RPS6KA2: variants seen among roughly 807,000 people sequenced by gnomAD.
RPS6KA2 encodes the protein ribosomal protein S6 kinase A2, also known as ribosomal protein S6 kinase alpha-2.
A neutral mutation model predicts 91.8 loss-of-function variants in RPS6KA2; 42 were observed. The ratio of observed to expected loss-of-function variants is 0.46; its 90% CI spans 0.36 to 0.59. The LOEUF is 0.59. Among genes scored for constraint, RPS6KA2 ranks in the 20% least tolerant of loss-of-function variants. The pLI, the probability that RPS6KA2 is intolerant of heterozygous loss-of-function variation, is 0.00. For missense variants in RPS6KA2, 798 were observed against 978.5 expected (o/e 0.82, Z 2.46); for synonymous variants, 414 against 393.6 (o/e 1.05, Z -0.61).
At chr6:166,838,378 A>T (rs7772900) in intron 2 of RPS6KA2, among the ~76,000 whole-genome samples, 1 of 152,160 alleles carries the variant, frequency 6.6e-6, no homozygotes, top group African/African-American at 2.4e-5. Context: ...GTGCTTATGG[A>T]GGAAAATGTA....
intron 2 of RPS6KA2, among the ~76,000 whole-genome samples, chr6:166,642,142 C>A (rs1319850073): frequency 6.6e-6 from 1 of 151,898 alleles, no homozygotes; most frequent in Non-Finnish European, 1.5e-5. Flanking sequence ...AAAAAAAAAT[C>A]TCTCCAGAGC....
Position 166,493,537 on chromosome 6 carries a change from T to C in RPS6KA2, c.748-2796A>G, listed in dbSNP as rs1407340536. On this transcript the variant is annotated intron_variant, in intron 8 of 20. Coordinates refer to ENST00000265678, the MANE Select transcript of RPS6KA2 (RefSeq NM_021135.6). This position sits in a 1 kb window ranked among gnomAD's most constrained non-coding sequence, Gnocchi z 4.7. ...GAGGTTCATCTTGGGGTTCCCACAGTCAAGTACACGCACCGGGGGAGGGAG... is the reference window on the plus strand; with the variant it reads ...GAGGTTCATCTTGGGGTTCCCACAGCCAAGTACACGCACCGGGGGAGGGAG... 1.3e-5 allele frequency among the ~76,000 whole-genome samples: 2 copies of C among 151,726 alleles called. No individual in the cohort carries two copies. Among genetic ancestry groups the C allele is most frequent in the Non-Finnish European group, 2.9e-5 (2 of 67,918 alleles).
At chr6:166,436,763 A>T (rs550541401) in intron 14 of RPS6KA2, among the ~76,000 whole-genome samples, 1 of 152,204 alleles carries the variant, frequency 6.6e-6, no homozygotes, top group Non-Finnish European at 1.5e-5. Context: ...CCGTCCTGGA[A>T]GGGAAGTCCC....
intron 2 of RPS6KA2, among the ~76,000 whole-genome samples, chr6:166,734,581 C>G (rs1246325924): frequency 6.6e-6 from 1 of 151,910 alleles, no homozygotes; most frequent in African/African-American, 2.4e-5. Flanking sequence ...AGACACTCAG[C>G]CATTGTTCAT....
chr6:166,572,772 A>C (rs968205812), intron 1 of RPS6KA2, among the ~76,000 whole-genome samples: 1 of 152,218 alleles, frequency 6.6e-6, no homozygotes, highest in African/African-American at 2.4e-5. Context: ...GCCCACACGG[A>C]GCCCGCGTCA....
intron 2 of RPS6KA2, among the ~76,000 whole-genome samples, chr6:166,705,647 T>C (rs1789660324): frequency 6.6e-6 from 1 of 152,112 alleles, no homozygotes; most frequent in African/African-American, 2.4e-5. Context: ...AAATTAGTGG[T>C]ATAAGATTTG....
chr6:166,411,501 T>C lies in RPS6KA2; in HGVS notation c.*1261A>G, dbSNP rs2128433321. 6.6e-6 allele frequency: 1 copy of C among 152,434 alleles called. No homozygotes were observed. The highest frequency in any genetic ancestry group is 1.5e-5 in the Non-Finnish European group (1 of 68,164). The allele number at this position is 152,434 out of a possible 1,614,324, so 9.4% of individuals were successfully genotyped here. ...CGGCTGGACTGGGCGTCGATCCTGC[T>C]GCCCGGAACCTCTCACTCGATTTTA... On this transcript the variant is annotated 3_prime_UTR_variant, in exon 21 of 21. Coordinates refer to ENST00000265678, the MANE Select transcript of RPS6KA2 (RefSeq NM_021135.6). This position sits in a 1 kb window ranked among gnomAD's most constrained non-coding sequence, Gnocchi z 4.5.
At chr6:166,572,133 CTACA>C (rs1260381204) in intron 1 of RPS6KA2, among the ~76,000 whole-genome samples, 3 of 152,098 alleles carry the variant, frequency 2.0e-5, no homozygotes, top group Non-Finnish European at 4.4e-5. Flanking sequence ...AGCAAAACTC[CTACA>C]TAGATATAAA....
chr6:166,641,125 C>T (rs1175134848), intron 2 of RPS6KA2, among the ~76,000 whole-genome samples: 1 of 152,130 alleles, frequency 6.6e-6, no homozygotes. Context: ...GCTTTAAACA[C>T]GTGTCACAGT....
At chr6:166,750,530 C>A (rs937760457) in intron 2 of RPS6KA2, among the ~76,000 whole-genome samples, 68 of 152,324 alleles carry the variant, frequency 4.5e-4, no homozygotes, top group African/African-American at 1.6e-3. Flanking sequence ...CGCTTGCTGG[C>A]CCAGGAACTG....
At chr6:166,823,434 AGTGTGTGTGTGTGTGTGTGTGTGT>A (rs56187218) in intron 2 of RPS6KA2, among the ~76,000 whole-genome samples, 7 of 147,986 alleles carry the variant, frequency 4.7e-5, no homozygotes, top group African/African-American at 1.8e-4. Flanking sequence ...TTGGTTTTGC[AGTGTGTGTGTGTGTGTGTGTGTGT>A]GTGTGTGTGT....
In RPS6KA2 at chr6:166,810,390, G is replaced by C. The variant is rs73266902; in HGVS notation, c.123+47810C>G. Among the ~76,000 whole-genome samples the C allele has an allele frequency of 5.0e-3, 755 of 152,292 alleles. 10 individuals carry two copies. Among genetic ancestry groups the C allele is most frequent in the African/African-American group, 0.017 (706 of 41,550 alleles). ...TGCAAAGTAACATGGAAAGATCTGA[G>C]CCCACGAGGATATTTGCCTCTTTGT... On this transcript the variant is annotated intron_variant, in intron 2 of 21. Transcript: ENST00000503859.
intron 2 of RPS6KA2, among the ~76,000 whole-genome samples, chr6:166,792,693 G>C (rs1417347768): frequency 1.3e-5 from 2 of 152,180 alleles, no homozygotes; most frequent in Non-Finnish European, 2.9e-5. Context: ...TGCAAGGCTG[G>C]TTCAATATAT....
intron 2 of RPS6KA2, among the ~76,000 whole-genome samples, chr6:166,643,509 A>C (rs1312463641): frequency 2.0e-5 from 3 of 152,274 alleles, no homozygotes; most frequent in Admixed American, 6.5e-5. Context: ...CACCAGGAGG[A>C]TACAATAATT....
intron 1 of RPS6KA2, among the ~76,000 whole-genome samples, chr6:166,604,495 T>G (rs976922496): frequency 6.6e-6 from 1 of 152,138 alleles, no homozygotes; most frequent in Non-Finnish European, 1.5e-5. Flanking sequence ...TTGCCGGAGC[T>G]GGGTTCACTG....
chr6:166,581,105 G>A (rs912788156), intron 1 of RPS6KA2, among the ~76,000 whole-genome samples: 1 of 152,072 alleles, frequency 6.6e-6, no homozygotes, highest in Non-Finnish European at 1.5e-5. Flanking sequence ...TTGCCAGGCT[G>A]GTCTCGAACT....
chr6:166,486,771 C>T (rs569067136), intron 10 of RPS6KA2, among the ~76,000 whole-genome samples: 2 of 151,668 alleles, frequency 1.3e-5, no homozygotes, highest in South Asian at 4.2e-4. Flanking sequence ...GCAATTCAGT[C>T]TAGACCCTGG....
chr6:166,715,085 C>T (rs910366936), intron 2 of RPS6KA2, among the ~76,000 whole-genome samples: 2 of 152,344 alleles, frequency 1.3e-5, no homozygotes, highest in Admixed American at 1.3e-4. Flanking sequence ...TTCTGCCTTG[C>T]AGACGTGAGA....
chr6:166,808,154 G>T (rs905056489), intron 2 of RPS6KA2, among the ~76,000 whole-genome samples: 1 of 152,176 alleles, frequency 6.6e-6, no homozygotes, highest in African/African-American at 2.4e-5. Flanking sequence ...TCCCTGGACC[G>T]GGCTGGGACA....
Sources: allele counts gnomAD v4.1 joint callset (sites outside exome capture counted in the v4.1 genomes callset), GRCh38; gene constraint gnomAD v4.1.1; non-coding constraint Gnocchi (gnomAD v3.1); transcripts MANE v1.5; gene names NCBI Gene and HGNC (gene_info 2026-07-23, HGNC 2026-07-21).